Variants in FRMD4A observed in about 807,000 individuals in gnomAD.
The protein encoded by FRMD4A is FERM domain-containing protein 4A.
In FRMD4A, 29 loss-of-function variants were observed where a neutral mutation model predicts 129.1. The ratio of observed to expected loss-of-function variants is 0.22; its 90% confidence interval spans 0.17 to 0.31. The LOEUF is 0.31. Ranked by LOEUF, FRMD4A falls within the 10% of genes least tolerant of loss-of-function variation. The pLI, the probability that FRMD4A is intolerant of heterozygous loss-of-function variation, is 1.00. For missense variants in FRMD4A, 1,272 were observed against 1,375.8 expected (o/e 0.92, Z 1.19); for synonymous variants, 634 against 571.6 (o/e 1.11, Z -1.56).
At chr10:14,232,883 G>T (rs1010000065) in intron 2 of FRMD4A, among the ~76,000 whole-genome samples, 1 of 152,100 alleles carries the variant, frequency 6.6e-6, no homozygotes, top group Admixed American at 6.5e-5. Context: ...AGATAGTTTG[G>T]CTTCCTCTCT....
intron 2 of FRMD4A, among the ~76,000 whole-genome samples, chr10:14,089,327 C>A (rs1401368456): frequency 6.6e-6 from 1 of 152,130 alleles, no homozygotes; most frequent in Non-Finnish European, 1.5e-5. Flanking sequence ...CTTGTTTCCC[C>A]CGCTGGGGCC....
chr10:14,271,113 G>A (rs969798418), intron 2 of FRMD4A, among the ~76,000 whole-genome samples: 2 of 152,116 alleles, frequency 1.3e-5, no homozygotes, highest in South Asian at 4.1e-4. Context: ...AAATGACCAG[G>A]TCTCAGATGA....
chr10:13,720,158 C>T (rs535122702), intron 12 of FRMD4A, among the ~76,000 whole-genome samples: 1 of 152,198 alleles, frequency 6.6e-6, no homozygotes, highest in African/African-American at 2.4e-5. Flanking sequence ...AAGCAATTCT[C>T]CTGCCTCAGC....
intron 8 of FRMD4A, among the ~76,000 whole-genome samples, chr10:13,750,089 A>AAATG (rs1398808690): frequency 0.068 from 5,308 of 77,796 alleles, 73 homozygotes; most frequent in East Asian, 0.1. Context: ...AGAAAGAAAG[A>AAATG]AAGAAAGAAA....
Position 13,718,071 on chromosome 10 carries a change from A to G in FRMD4A, c.760-10958T>C, listed in dbSNP as rs574043755. Among the ~76,000 whole-genome samples the G allele has an allele frequency of 8.7e-4, 133 of 152,246 alleles. 1 individual carries two copies. Among genetic ancestry groups the G allele is most frequent in the Non-Finnish European group, 1.6e-3 (106 of 68,026 alleles). ...CAGCAGCTTGTTTGCACTTTGGAACACCTCGTGCTTCCAGAGCCGGCCCAT... is the reference window on the plus strand; with the variant it reads ...CAGCAGCTTGTTTGCACTTTGGAACGCCTCGTGCTTCCAGAGCCGGCCCAT... On this transcript the variant is annotated intron_variant, in intron 12 of 24. Transcript: ENST00000357447.
chr10:14,269,346 A>C (rs2132044127), intron 2 of FRMD4A, among the ~76,000 whole-genome samples: 1 of 152,320 alleles, frequency 6.6e-6, no homozygotes, highest in East Asian at 1.9e-4. Flanking sequence ...TTAGCAGCTT[A>C]AACAACCCGA....
chr10:13,988,185 A>C (rs2095589009), intron 2 of FRMD4A, among the ~76,000 whole-genome samples: 1 of 152,248 alleles, frequency 6.6e-6, no homozygotes, highest in Non-Finnish European at 1.5e-5. Context: ...ACACTTCTTT[A>C]GTATTATACA....
chr10:14,049,864 A>T (rs1211323157), intron 2 of FRMD4A, among the ~76,000 whole-genome samples: 1 of 152,196 alleles, frequency 6.6e-6, no homozygotes, highest in African/African-American at 2.4e-5. Flanking sequence ...CAAATAAAAC[A>T]AAATAAAATA....
At chr10:14,179,859 C>G (rs1317410360) in intron 2 of FRMD4A, among the ~76,000 whole-genome samples, 1 of 152,140 alleles carries the variant, frequency 6.6e-6, no homozygotes. Flanking sequence ...TATGACAAAA[C>G]CCCATCTCAA....
At chr10:13,986,407 A>G (rs1484407173) in intron 2 of FRMD4A, among the ~76,000 whole-genome samples, 1 of 149,906 alleles carries the variant, frequency 6.7e-6, no homozygotes, top group African/African-American at 2.5e-5. Flanking sequence ...ACAAAAAACC[A>G]AACGCTAAAT....
chr10:13,795,839 C>T (rs117320142), intron 5 of FRMD4A, among the ~76,000 whole-genome samples: 3 of 152,264 alleles, frequency 2.0e-5, no homozygotes, highest in South Asian at 2.1e-4. Context: ...CTTTTGCAAA[C>T]GGAAGTGGTA....
At chr10:13,767,314 C>T (rs1282881267) in intron 6 of FRMD4A, among the ~76,000 whole-genome samples, 1 of 152,070 alleles carries the variant, frequency 6.6e-6, no homozygotes, top group East Asian at 1.9e-4. Context: ...CCTGGGCTCA[C>T]AGCAACCTCC....
At position 14,188,594 on chromosome 10, in the gene FRMD4A, A is replaced by G. The variant is rs893365891; in HGVS notation, c.45+141464T>C. On this transcript the variant is annotated intron_variant, in intron 2 of 24. Transcript: ENST00000357447. The stretch of plus-strand genomic sequence containing the variant: ...ATGTCCATTACTTAATAAGCCCTCA[A>G]TAGACATTAGCTTTCTTCAAAGTCC... Among the ~76,000 whole-genome samples the G allele has an allele frequency of 3.9e-5, 6 of 152,190 alleles. No individual in the cohort carries two copies. In the East Asian group the frequency reaches 5.8e-4, roughly 15 times the overall value.
chr10:14,051,149 C>T (rs2131686554), intron 2 of FRMD4A, among the ~76,000 whole-genome samples: 1 of 152,344 alleles, frequency 6.6e-6, no homozygotes, highest in Non-Finnish European at 1.5e-5. Context: ...ATTTAATAGC[C>T]TAACCAAAAT....
chr10:14,285,691 G>C (rs1441026300), intron 2 of FRMD4A, among the ~76,000 whole-genome samples: 1 of 152,204 alleles, frequency 6.6e-6, no homozygotes, highest in East Asian at 1.9e-4. Context: ...CAGGTGTTAA[G>C]TACTTATTGT....
chr10:13,876,337 G>A (rs775930059), intron 2 of FRMD4A, among the ~76,000 whole-genome samples: 1 of 152,206 alleles, frequency 6.6e-6, no homozygotes, highest in African/African-American at 2.4e-5. Context: ...TTTTTACAAC[G>A]TTCACTCAGT....
intron 2 of FRMD4A, among the ~76,000 whole-genome samples, chr10:13,890,081 A>G (rs1345132038): frequency 6.6e-6 from 1 of 152,220 alleles, no homozygotes; most frequent in Non-Finnish European, 1.5e-5. Flanking sequence ...TCTAGGTTGC[A>G]AGAGACAAGT....
In FRMD4A at chr10:13,810,846, C is replaced by T. The variant is rs770116608; in HGVS notation, c.174G>A (p.Lys58=). 6.1e-5 allele frequency: 98 copies of T among 1,601,062 alleles called. 2 individuals are homozygous for T. The highest frequency in any genetic ancestry group is 5.6e-4 in the South Asian group (51 of 90,502). The change falls in exon 4 of 25, where the codon AAG becomes AAA. Residue 58 remains lysine (K), a synonymous_variant. Transcript: ENST00000357447. ...LVASHFNLKE[K]EYFGIAFTDE... ...CTGTGAATGCTATTCCAAAGTACTC[C>T]TTTTCCTTCAGATTGAAGTGAGAAG...
chr10:13,968,863 A>G (rs969199432), intron 2 of FRMD4A, among the ~76,000 whole-genome samples: 4 of 152,056 alleles, frequency 2.6e-5, no homozygotes, highest in African/African-American at 9.7e-5. Flanking sequence ...GGGGGAGTGA[A>G]GTTTTTCTTG....
Sources: allele counts gnomAD v4.1 joint callset (sites outside exome capture counted in the v4.1 genomes callset), GRCh38; gene constraint gnomAD v4.1.1; transcripts MANE v1.5; gene names NCBI Gene and HGNC (gene_info 2026-07-23, HGNC 2026-07-21).